JAZF1: variants seen among roughly 807,000 people sequenced by gnomAD.
JAZF1 encodes the protein JAZF zinc finger 1.
A neutral mutation model predicts 26.4 loss-of-function variants in JAZF1; 8 were observed. The ratio of observed to expected loss-of-function variants is 0.30; its 90% CI spans 0.18 to 0.55. JAZF1 has a LOEUF of 0.55. JAZF1 is among the 20% of genes least tolerant of loss of function. JAZF1 has a pLI of 0.94. For missense variants in JAZF1, 199 were observed against 322.0 expected, an observed-to-expected ratio of 0.62 and a Z score of 2.92; for synonymous variants, 126 against 122.3, an observed-to-expected ratio of 1.03 and a Z score of -0.20.
At chr7:28,117,936 C>A (rs1211170928) in intron 1 of JAZF1, among the ~76,000 whole-genome samples, 4 of 151,896 alleles carry the variant, frequency 2.6e-5, no homozygotes, top group African/African-American at 9.7e-5. Flanking sequence ...TAAAGTCTGG[C>A]AAAACTCACA....
intron 1 of JAZF1, among the ~76,000 whole-genome samples, chr7:28,018,874 A>C (rs1782947706): frequency 6.6e-6 from 1 of 152,280 alleles, no homozygotes; most frequent in Non-Finnish European, 1.5e-5. Context: ...TCCACAGATG[A>C]AATCTAAAAT....
At chr7:28,171,817 T>TA (rs1783473438) in intron 1 of JAZF1, among the ~76,000 whole-genome samples, 1 of 152,176 alleles carries the variant, frequency 6.6e-6, no homozygotes, top group South Asian at 2.1e-4. Context: ...TGAGGGCCAA[T>TA]GAAATACTAT....
chr7:27,980,173 T>TA (rs1785553524), intron 2 of JAZF1, among the ~76,000 whole-genome samples: 1 of 152,246 alleles, frequency 6.6e-6, no homozygotes. Context: ...GGCTAGAGCC[T>TA]AGAGCCTAAC....
chr7:28,111,145 A>G (rs1311800110), intron 1 of JAZF1, among the ~76,000 whole-genome samples: 2 of 152,198 alleles, frequency 1.3e-5, no homozygotes, highest in South Asian at 2.1e-4. Flanking sequence ...CCCGAGTATC[A>G]AAGTATTCAT....
intron 2 of JAZF1, among the ~76,000 whole-genome samples, chr7:27,957,576 G>A (rs1785119896): frequency 6.6e-6 from 1 of 152,134 alleles, no homozygotes; most frequent in Admixed American, 6.5e-5. Context: ...CTGGACTACT[G>A]TATTTTCTAC....
At chr7:28,163,475 G>A (rs1340425424) in intron 1 of JAZF1, among the ~76,000 whole-genome samples, 1 of 152,182 alleles carries the variant, frequency 6.6e-6, no homozygotes, top group African/African-American at 2.4e-5. Flanking sequence ...ATCACAGGAA[G>A]CATCCCTTAA....
At chr7:28,157,890 T>A (rs1192665098) in intron 1 of JAZF1, among the ~76,000 whole-genome samples, 1 of 152,148 alleles carries the variant, frequency 6.6e-6, no homozygotes, top group Admixed American at 6.5e-5. Context: ...CCTTTATTTT[T>A]TTTTAATCCC....
chr7:27,992,096 T>A lies in JAZF1; in HGVS notation c.116-115A>T, dbSNP rs767453372. 4.0e-6 allele frequency: 3 copies of A among 743,608 alleles called. No homozygotes were observed. The East Asian group carries it at 7.6e-5, about 19-fold the overall frequency. The allele number at this position is 743,608 out of a possible 1,614,324, so 46.1% of individuals were successfully genotyped here. On this transcript the variant is annotated intron_variant, in intron 1 of 4. Coordinates refer to ENST00000283928, the MANE Select transcript of JAZF1 (RefSeq NM_175061.4). ...GAAAAAGATTAATTTAGTACACCAC[T>A]TTTTAAAGAAAACTGAGTCGGCGAA... is the stretch of plus-strand genomic sequence containing the variant.
intron 1 of JAZF1, among the ~76,000 whole-genome samples, chr7:28,008,771 A>C (rs1238772519): frequency 6.6e-6 from 1 of 152,214 alleles, no homozygotes; most frequent in Non-Finnish European, 1.5e-5. Context: ...AGTTCTTCAA[A>C]AGTTTTTCCA....
chr7:28,068,151 A>G (rs1166505182), intron 1 of JAZF1, among the ~76,000 whole-genome samples: 1 of 150,346 alleles, frequency 6.7e-6, no homozygotes, highest in Non-Finnish European at 1.5e-5. Context: ...CTGACATCAG[A>G]TGATCTGCCC....
chr7:28,128,271 C>G (rs1782731280), intron 1 of JAZF1, among the ~76,000 whole-genome samples: 1 of 152,140 alleles, frequency 6.6e-6, no homozygotes, highest in South Asian at 2.1e-4. Flanking sequence ...TGCCTGTAAT[C>G]CCAGCACTAT....
At chr7:27,911,965 A>C (rs1177837175) in intron 2 of JAZF1, among the ~76,000 whole-genome samples, 2 of 152,202 alleles carry the variant, frequency 1.3e-5, no homozygotes, top group Admixed American at 1.3e-4. Flanking sequence ...TGAAGATCTG[A>C]AATGAAAAAG....
chr7:28,128,756 T>C (rs1277823036), intron 1 of JAZF1, among the ~76,000 whole-genome samples: 2 of 152,174 alleles, frequency 1.3e-5, no homozygotes, highest in African/African-American at 4.8e-5. Context: ...TTGCTGCAAA[T>C]TATTTCAATC....
At chr7:27,973,051 T>C (rs1785403756) in intron 2 of JAZF1, among the ~76,000 whole-genome samples, 1 of 151,486 alleles carries the variant, frequency 6.6e-6, no homozygotes, top group Admixed American at 6.6e-5. Context: ...GCTATATATA[T>C]GCATATCTCC....
intron 2 of JAZF1, among the ~76,000 whole-genome samples, chr7:27,911,942 CAT>C (rs1247671744): frequency 6.6e-6 from 1 of 152,112 alleles, no homozygotes; most frequent in Non-Finnish European, 1.5e-5. Context: ...GGGGTACAAA[CAT>C]TATTTAAGAG....
At chr7:28,010,837 C>T (rs1290232002) in intron 1 of JAZF1, among the ~76,000 whole-genome samples, 12 of 152,216 alleles carry the variant, frequency 7.9e-5, no homozygotes, top group African/African-American at 2.4e-4. Flanking sequence ...TATTAAACGA[C>T]ATCACAACTG....
chr7:28,149,504 T>G (rs991366786), intron 1 of JAZF1, among the ~76,000 whole-genome samples: 1 of 152,168 alleles, frequency 6.6e-6, no homozygotes, highest in Non-Finnish European at 1.5e-5. Flanking sequence ...TATGAGACCC[T>G]GTCTTTTTGG....
intron 3 of JAZF1, among the ~76,000 whole-genome samples, chr7:27,874,529 G>C (rs2128338499): frequency 6.6e-6 from 1 of 152,182 alleles, no homozygotes; most frequent in South Asian, 2.1e-4. Context: ...CGATTTATGA[G>C]AATCAGATCA....
intron 1 of JAZF1, among the ~76,000 whole-genome samples, chr7:28,031,001 T>C (rs1238874112): frequency 1.3e-5 from 2 of 152,192 alleles, no homozygotes; most frequent in Admixed American, 1.3e-4. Context: ...TAACCATAGT[T>C]CCCAGGCATC....
Sources: gnomAD v4.1 joint callset for allele counts (sites outside exome capture counted in the v4.1 genomes callset) on GRCh38, gnomAD v4.1.1 for gene constraint, MANE v1.5 for transcripts, NCBI Gene and HGNC (gene_info 2026-07-23, HGNC 2026-07-21) for gene names.